L3MBTL4: variants seen among roughly 807,000 people sequenced by gnomAD.
The protein encoded by L3MBTL4 is lethal(3)malignant brain tumor-like protein 4.
In L3MBTL4, 70 loss-of-function variants were observed where a neutral mutation model predicts 84.5. That is an observed-to-expected ratio of 0.83 (90% CI 0.68 to 1.01). The LOEUF (loss-of-function observed/expected upper bound fraction) is 1.01. Among genes scored for constraint, L3MBTL4 ranks in the 50% least tolerant of loss-of-function variants. L3MBTL4 has a pLI of 0.00. For missense variants in L3MBTL4, 715 were observed against 754.8 expected (o/e 0.95, Z 0.62); for synonymous variants, 274 against 259.8 (o/e 1.05, Z -0.52).
At chr18:6,143,426 TATGATGA>T (rs1238598012) in intron 13 of L3MBTL4, among the ~76,000 whole-genome samples, 1 of 152,134 alleles carries the variant, frequency 6.6e-6, no homozygotes, top group Non-Finnish European at 1.5e-5. Context: ...TTAAATTTTG[TATGATGA>T]AGTATAATAG....
At chr18:6,212,099 C>T (rs1033620622) in intron 12 of L3MBTL4, among the ~76,000 whole-genome samples, 1 of 152,102 alleles carries the variant, frequency 6.6e-6, no homozygotes, top group African/African-American at 2.4e-5. Context: ...TAAAATTAAA[C>T]TTAAAACATT....
At chr18:6,329,441 C>CCGCA (rs1353133711) in intron 1 of L3MBTL4, among the ~76,000 whole-genome samples, 4 of 152,240 alleles carry the variant, frequency 2.6e-5, no homozygotes, top group Admixed American at 1.3e-4. Context: ...GCCTGAGCCA[C>CCGCA]CGCACCCAGC....
At chr18:6,070,021 T>C (rs1282665376) in intron 16 of L3MBTL4, among the ~76,000 whole-genome samples, 2 of 152,084 alleles carry the variant, frequency 1.3e-5, no homozygotes, top group African/African-American at 4.8e-5. Context: ...GGCTGAAGCA[T>C]GTACTAAAAA....
intron 16 of L3MBTL4, among the ~76,000 whole-genome samples, chr18:5,970,392 G>C (rs923405749): frequency 6.6e-6 from 1 of 152,108 alleles, no homozygotes; most frequent in African/African-American, 2.4e-5. Flanking sequence ...CTTATCAACA[G>C]CCTTCTGTGC....
chr18:6,286,443 C>CA (rs1169282950), intron 4 of L3MBTL4, among the ~76,000 whole-genome samples: 1 of 151,386 alleles, frequency 6.6e-6, no homozygotes, highest in Non-Finnish European at 1.5e-5. Context: ...GCCTGGGCGA[C>CA]AGAGTGAGAC....
intron 15 of L3MBTL4, among the ~76,000 whole-genome samples, chr18:6,085,912 G>A (rs2058243817): frequency 6.6e-6 from 1 of 152,184 alleles, no homozygotes; most frequent in South Asian, 2.1e-4. Context: ...GTTAGGAGTG[G>A]AGAATGAGAA....
chr18:6,158,950 A>G (rs1278525774), intron 13 of L3MBTL4, among the ~76,000 whole-genome samples: 1 of 152,120 alleles, frequency 6.6e-6, no homozygotes, highest in African/African-American at 2.4e-5. Context: ...TGGAGGAAGG[A>G]TCTTGAGCAA....
chr18:6,376,215 T>G (rs2054361784), intron 1 of L3MBTL4, among the ~76,000 whole-genome samples: 1 of 152,164 alleles, frequency 6.6e-6, no homozygotes, highest in Admixed American at 6.5e-5. Context: ...GCAGCCCACC[T>G]GGAGCACGGC....
intron 1 of L3MBTL4, among the ~76,000 whole-genome samples, chr18:6,377,588 CT>C (rs1324321805): frequency 1.1e-4 from 17 of 152,190 alleles, no homozygotes; most frequent in Admixed American, 9.8e-4. Flanking sequence ...TTTTCTGTTC[CT>C]GTGTTAGTTT....
At chr18:6,383,047 G>T (rs1197334871) in intron 1 of L3MBTL4, among the ~76,000 whole-genome samples, 1 of 152,058 alleles carries the variant, frequency 6.6e-6, no homozygotes, top group Admixed American at 6.6e-5. Flanking sequence ...TGGCCACAGC[G>T]GCCTTGCTGA....
intron 4 of L3MBTL4, among the ~76,000 whole-genome samples, chr18:6,299,692 C>G (rs529307442): frequency 6.6e-6 from 1 of 152,136 alleles, no homozygotes; most frequent in Admixed American, 6.5e-5. Context: ...TTTTTATATA[C>G]AGGGTCTCAC....
intron 16 of L3MBTL4, among the ~76,000 whole-genome samples, chr18:6,072,305 A>G (rs970626426): frequency 1.3e-5 from 2 of 152,226 alleles, no homozygotes; most frequent in African/African-American, 2.4e-5. Context: ...ACAATTGCTC[A>G]GAGTATACTC....
chr18:6,136,651 A>G (rs2060037083), intron 14 of L3MBTL4, among the ~76,000 whole-genome samples: 1 of 152,162 alleles, frequency 6.6e-6, no homozygotes, highest in Admixed American at 6.5e-5. Flanking sequence ...CATAGAGTGT[A>G]CCAAGTAACC....
chr18:6,252,946 G>A (rs1464384126), intron 5 of L3MBTL4, among the ~76,000 whole-genome samples: 1 of 152,230 alleles, frequency 6.6e-6, no homozygotes, highest in East Asian at 1.9e-4. Flanking sequence ...GCTCACGCCT[G>A]TAATCCCAGC....
intron 16 of L3MBTL4, among the ~76,000 whole-genome samples, chr18:6,050,582 C>T (rs565921477): frequency 6.6e-6 from 1 of 152,164 alleles, no homozygotes; most frequent in African/African-American, 2.4e-5. Context: ...AAAATCAATG[C>T]CTAATATTTT....
chr18:6,271,405 A>T (rs2048862506), intron 4 of L3MBTL4, among the ~76,000 whole-genome samples: 1 of 152,192 alleles, frequency 6.6e-6, no homozygotes. Flanking sequence ...GTAGAAAGGA[A>T]ATTGAGAGAA....
At chr18:6,061,410 C>A (rs373152497) in intron 16 of L3MBTL4, among the ~76,000 whole-genome samples, 24 of 152,060 alleles carry the variant, frequency 1.6e-4, no homozygotes, top group East Asian at 9.6e-4. Flanking sequence ...ATATGTTTTG[C>A]AAATCTTTTG....
Position 6,303,828 on chromosome 18 carries a change from C to T in L3MBTL4, c.73-1871G>A, listed in dbSNP as rs138836230. Among the ~76,000 whole-genome samples the T allele has an allele frequency of 3.6e-3, 553 of 152,184 alleles. 2 individuals are homozygous for T. The highest frequency in any genetic ancestry group is 0.012 in the African/African-American group (496 of 41,524). On this transcript the variant is annotated intron_variant, in intron 3 of 18. Coordinates refer to ENST00000317931, the MANE Select transcript of L3MBTL4 (RefSeq NM_001330559.2). ...AGGAGTTCGAGACCAGCCTGGCCAA[C>T]ATACTGAAACCCTGTCTCTACTATA...
At chr18:6,147,890 T>TC (rs1382798649) in intron 13 of L3MBTL4, among the ~76,000 whole-genome samples, 1 of 152,218 alleles carries the variant, frequency 6.6e-6, no homozygotes, top group African/African-American at 2.4e-5. Flanking sequence ...AATGCATTTA[T>TC]CATATGTTCA....
Sources: gnomAD v4.1 joint callset for allele counts (sites outside exome capture counted in the v4.1 genomes callset) on GRCh38, gnomAD v4.1.1 for gene constraint, MANE v1.5 for transcripts, NCBI Gene and HGNC (gene_info 2026-07-23, HGNC 2026-07-21) for gene names.